The following MYO10 variants were observed in gnomAD, a reference collection of about 807,000 sequenced individuals.
MYO10 encodes the protein unconventional myosin-X.
MYO10 carries 133 observed loss-of-function variants against 257.3 expected under a neutral mutation model. The ratio of observed to expected loss-of-function variants is 0.52; its 90% CI spans 0.45 to 0.60. MYO10 has a LOEUF of 0.60. MYO10 is among the 20% of genes least tolerant of loss of function. The pLI is 0.00. For missense variants in MYO10, 2,399 were observed against 2,635.7 expected (o/e 0.91, Z 1.97); for synonymous variants, 1,104 against 1,028.6 (o/e 1.07, Z -1.40).
chr5:16,930,727 T>C (rs1298826118), intron 1 of MYO10, among the ~76,000 whole-genome samples: 1 of 152,156 alleles, frequency 6.6e-6, no homozygotes, highest in Non-Finnish European at 1.5e-5. Context: ...CTAGGAACTA[T>C]TACGCCCATT....
At chr5:16,811,928 A>T (rs1742453543) in intron 3 of MYO10, among the ~76,000 whole-genome samples, 1 of 152,160 alleles carries the variant, frequency 6.6e-6, no homozygotes, top group South Asian at 2.1e-4. Flanking sequence ...CCTGAGCCAC[A>T]CATAGGTTAT....
At chr5:16,769,392 T>A (rs147865523) in intron 9 of MYO10, among the ~76,000 whole-genome samples, 189 bp from the exon 10 acceptor site, 2 of 152,346 alleles carry the variant, frequency 1.3e-5, no homozygotes, top group East Asian at 3.9e-4. Flanking sequence ...TGGAGTGCAG[T>A]GGCACGATCT....
At chr5:16,923,324 G>A (rs968404131) in intron 1 of MYO10, among the ~76,000 whole-genome samples, 5 of 148,372 alleles carry the variant, frequency 3.4e-5, no homozygotes, top group East Asian at 2.0e-4. Flanking sequence ...ATCTCGCTCC[G>A]TCGCCCAGGT....
chr5:16,675,965 C>G, intron 34 of MYO10, 66 bp downstream of exon 34: 1 of 1,516,988 alleles, frequency 6.6e-7, no homozygotes, highest in Non-Finnish European at 8.9e-7. Flanking sequence ...CTGTGTTAAG[C>G]TAAAGAGTTA....
chr5:16,761,651 T>A (rs1348957421), intron 16 of MYO10, 105 bp from the exon 17 acceptor site: 7 of 856,302 alleles, frequency 8.2e-6, no homozygotes, highest in Admixed American at 2.2e-5. Context: ...CCAAGAAATT[T>A]ATTTATTTAT....
intron 2 of MYO10, among the ~76,000 whole-genome samples, chr5:16,860,836 C>G (rs1000978794): frequency 3.3e-5 from 5 of 152,048 alleles, no homozygotes; most frequent in African/African-American, 1.2e-4. Context: ...TCTACAGAAC[C>G]AGCTAAGAAA....
intron 39 of MYO10, among the ~76,000 whole-genome samples, chr5:16,669,585 C>T (rs1471128093): frequency 1.3e-5 from 2 of 152,140 alleles, no homozygotes; most frequent in African/African-American, 2.4e-5. Flanking sequence ...TATTCCTTGT[C>T]AGGGAGAAAT....
Position 16,763,655 on chromosome 5 carries a change from C to T in MYO10, c.1427G>A (p.Arg476Gln), listed in dbSNP as rs983125077. 6.2e-6 allele frequency: 10 copies of T among 1,600,732 alleles called. No individual in the cohort carries two copies. Among genetic ancestry groups the T allele is most frequent in the Non-Finnish European group, 8.6e-6 (10 of 1,168,486 alleles). Residue 476 changes from arginine to glutamine, a missense_variant and splice_region_variant, in exon 13 of 41, where the codon CGG becomes CAG. By Grantham distance (43) the Arg-to-Gln change is conservative (BLOSUM62 1). This residue lies in a region of MYO10 where 337 missense variants were observed against 446.8 expected (regional missense o/e 0.75). Coordinates refer to ENST00000513610, the MANE Select transcript of MYO10 (RefSeq NM_012334.3). Reference protein sequence around the residue: ...IFSLEQLEYSREGLVWEDIDW... With the variant: ...IFSLEQLEYSQEGLVWEDIDW... The stretch of plus-strand genomic sequence containing the variant: ...GAAATGGAATTCTATGAGTGCTTAC[C>T]GGCTATATTCTAGTTGTTCTAAAGA...
chr5:16,799,067 C>G (rs1270173831), intron 3 of MYO10, among the ~76,000 whole-genome samples: 2 of 152,122 alleles, frequency 1.3e-5, no homozygotes, highest in African/African-American at 2.4e-5. Context: ...CTAAGATGAG[C>G]CTTTCTTTCT....
intron 18 of MYO10, among the ~76,000 whole-genome samples, chr5:16,756,034 G>A (rs1740519060): frequency 6.6e-6 from 1 of 151,942 alleles, no homozygotes; most frequent in Non-Finnish European, 1.5e-5. Context: ...ATATTAAAAT[G>A]CTCAACTGCT....
Position 16,909,798 on chromosome 5 carries a change from A to G in MYO10, c.21+25990T>C, listed in dbSNP as rs1263574571. Reference sequence around the variant, plus strand: ...TCATGATCGTGGGGGCAGATCCCTCATGAATAGCTTGCAGGAACTCATTCT... The same window carrying G: ...TCATGATCGTGGGGGCAGATCCCTCGTGAATAGCTTGCAGGAACTCATTCT... On this transcript the variant is annotated intron_variant, in intron 1 of 40. Transcript: ENST00000513610. Among the ~76,000 whole-genome samples, 4 of 152,068 alleles carry G rather than the reference A, an allele frequency of 2.6e-5. No homozygotes were observed. The East Asian group carries it at 7.7e-4, about 29-fold the overall frequency.
At chr5:16,877,551 C>T in intron 2 of MYO10, 58 bp downstream of exon 2, 2 of 1,375,768 alleles carry the variant, frequency 1.5e-6, no homozygotes, top group Non-Finnish European at 2.1e-6. Context: ...ATGCCCTGGG[C>T]ACGAATAGCT....
At chr5:16,854,077 G>A (rs1010902286) in intron 2 of MYO10, 16 of 152,034 alleles carry the variant, frequency 1.1e-4, no homozygotes, top group Non-Finnish European at 1.5e-4. Context: ...GTTAATACTC[G>A]GATGGGAAAC....
At chr5:16,693,858 G>A (rs1347579530) in intron 27 of MYO10, among the ~76,000 whole-genome samples, 2 of 152,212 alleles carry the variant, frequency 1.3e-5, no homozygotes, top group Non-Finnish European at 2.9e-5. Flanking sequence ...AAGGGGGCAT[G>A]TTGGATTTGA....
intron 2 of MYO10, among the ~76,000 whole-genome samples, chr5:16,876,774 T>C (rs1744616260): frequency 6.6e-6 from 1 of 152,146 alleles, no homozygotes; most frequent in Admixed American, 6.6e-5. Context: ...AGGCTGGTCT[T>C]GAACTAAGGA....
chr5:16,716,651 G>A (rs534560405), intron 19 of MYO10, among the ~76,000 whole-genome samples: 33 of 151,694 alleles, frequency 2.2e-4, no homozygotes, highest in African/African-American at 8.0e-4. Flanking sequence ...TGAGAAACTC[G>A]CAAAAACCAA....
intron 39 of MYO10, among the ~76,000 whole-genome samples, chr5:16,669,003 G>T (rs999183177): frequency 6.6e-6 from 1 of 152,066 alleles, no homozygotes; most frequent in Non-Finnish European, 1.5e-5. Context: ...ATGCAGAGTG[G>T]GAACAGGGAC....
intron 2 of MYO10, among the ~76,000 whole-genome samples, chr5:16,821,199 T>G (rs936079425): frequency 6.7e-6 from 1 of 148,856 alleles, no homozygotes; most frequent in Non-Finnish European, 1.5e-5. Flanking sequence ...ACATCCTATG[T>G]AATTATCTTG....
chr5:16,929,465 C>T (rs1746238152), intron 1 of MYO10, among the ~76,000 whole-genome samples: 1 of 152,172 alleles, frequency 6.6e-6, no homozygotes, highest in Admixed American at 6.5e-5. Flanking sequence ...AAAAGCATGG[C>T]AGTGAAGAAC....
Sources: allele counts gnomAD v4.1 joint callset (sites outside exome capture counted in the v4.1 genomes callset), GRCh38; gene constraint gnomAD v4.1.1; regional missense constraint gnomAD v4.1.1; transcripts MANE v1.5; gene names NCBI Gene and HGNC (gene_info 2026-07-23, HGNC 2026-07-21).